NSL1: variants seen among roughly 807,000 people sequenced by gnomAD.
NSL1 encodes the protein kinetochore-associated protein NSL1 homolog.
In NSL1, 11 loss-of-function variants were observed where a neutral mutation model predicts 25.4. That is an observed-to-expected ratio of 0.43 (90% CI 0.27 to 0.72). The LOEUF (loss-of-function observed/expected upper bound fraction) is 0.72, where lower values mean the gene tolerates loss of function less well. NSL1 is among the 30% of genes least tolerant of loss of function. The pLI, the probability that NSL1 is intolerant of heterozygous loss-of-function variation, is 0.19. For synonymous variants in NSL1, 118 were observed against 120.6 expected (o/e 0.98, Z 0.14); for missense variants, 330 against 342.7 (o/e 0.96, Z 0.29).
At chr1:212,764,843 C>CAAAAAAAAAA (rs3086471) in intron 4 of NSL1, among the ~76,000 whole-genome samples, 11 of 38,872 alleles carry the variant, frequency 2.8e-4, no homozygotes, top group Non-Finnish European at 2.8e-4. Flanking sequence ...AAGACTGTCT[C>CAAAAAAAAAA]AAAAAAAAAA....
intron 4 of NSL1, chr1:212,782,093 T>C (rs1000449243): frequency 6.1e-6 from 4 of 655,610 alleles, no homozygotes; most frequent in Non-Finnish European, 8.6e-6. Flanking sequence ...GATAGGAGGG[T>C]ATTAGAAGTT....
rs1462127167 is a variant in NSL1, at chr1:212,727,766, A to C, written c.*10642T>G. ...CAAAAGTTCATATTTAACCTCATTA[A>C]GATAATAAATTGCTTTAAACAACTT... On this transcript the variant is annotated 3_prime_UTR_variant, in exon 6 of 6. Coordinates refer to ENST00000366977, the MANE Select transcript of NSL1 (RefSeq NM_015471.4). The C allele has an allele frequency of 2.0e-6, 2 of 984,212 alleles. No homozygotes were observed. Among genetic ancestry groups the C allele is most frequent in the African/African-American group, 3.5e-5 (2 of 57,228 alleles). The allele number at this position is 984,212 out of a possible 1,614,324, so 61.0% of individuals were successfully genotyped here. A position where few individuals can be genotyped will look rare whatever the true frequency, so the allele number is the denominator to read the frequency against.
rs1658294897 is a variant in NSL1 at position 212,737,826 on chromosome 1, A to G, written c.*582T>C. 1 of 985,314 alleles carries G rather than the reference A, an allele frequency of 1.0e-6. No individual in the cohort carries two copies. Among genetic ancestry groups the G allele is most frequent in the South Asian group, 4.7e-5 (1 of 21,292 alleles). 61.0% of individuals were successfully genotyped at this position (985,314 alleles called of 1,614,324 possible). A position where few individuals can be genotyped will look rare whatever the true frequency, so the allele number is the denominator to read the frequency against. On this transcript the variant is annotated 3_prime_UTR_variant, in exon 6 of 6. Coordinates refer to ENST00000366977, the MANE Select transcript of NSL1 (RefSeq NM_015471.4). ...ATAATAGTTATCATTGTCTTACACA[A>G]CAAAAAATCCTAAAGTTAATCTCAC...
intron 4 of NSL1, among the ~76,000 whole-genome samples, chr1:212,775,271 T>A (rs1660309755): frequency 6.6e-6 from 1 of 152,208 alleles, no homozygotes. Flanking sequence ...AAATAATGGC[T>A]AAGGAGTGTT....
intron 5 of NSL1, 54 bp downstream of exon 5, chr1:212,739,480 T>C (rs754215762): frequency 4.6e-5 from 70 of 1,535,798 alleles, no homozygotes; most frequent in Non-Finnish European, 6.2e-5. Context: ...TGAATGCAAA[T>C]ACCTAGCCAT....
intron 2 of NSL1, among the ~76,000 whole-genome samples, chr1:212,786,284 G>C (rs918480882): frequency 1.3e-5 from 2 of 151,894 alleles, no homozygotes; most frequent in African/African-American, 4.8e-5. Flanking sequence ...CTTCTTTTGA[G>C]GGCAAGAAAT....
intron 4 of NSL1, among the ~76,000 whole-genome samples, chr1:212,757,670 G>A (rs1371964571): frequency 6.6e-6 from 1 of 152,132 alleles, no homozygotes; most frequent in Non-Finnish European, 1.5e-5. Flanking sequence ...GGTGAATTCA[G>A]AGGGAGAGCT....
chr1:212,789,617 AG>A (rs1237646645), intron 1 of NSL1, among the ~76,000 whole-genome samples: 1 of 152,258 alleles, frequency 6.6e-6, no homozygotes, highest in Non-Finnish European at 1.5e-5. Context: ...CTGTTTTTAA[AG>A]AAAATCTGCT....
At position 212,726,229 on chromosome 1, in the gene NSL1, T is replaced by G. The variant is rs1657779595; in HGVS notation, c.*12179A>C. 3 of 152,166 alleles carry G rather than the reference T, an allele frequency of 2.0e-5. No individual in the cohort carries two copies. The highest frequency in any genetic ancestry group is 2.0e-4 in the Admixed American group (3 of 15,284). 9.4% of individuals were successfully genotyped at this position (152,166 alleles called of 1,614,324 possible). A position where few individuals can be genotyped will look rare whatever the true frequency, so the allele number is the denominator to read the frequency against. On this transcript the variant is annotated 3_prime_UTR_variant, in exon 6 of 6. Coordinates refer to ENST00000366977, the MANE Select transcript of NSL1 (RefSeq NM_015471.4). ...ATCAGTGGGGGAAAAGAGGTACTAT[T>G]CAATAAATGGTGTCAGAACAGGTGG...
intron 4 of NSL1, among the ~76,000 whole-genome samples, chr1:212,761,672 A>C (rs1370185500): frequency 2.0e-5 from 3 of 152,090 alleles, no homozygotes. Flanking sequence ...CTGAAAAATA[A>C]TTCAAACTAC....
At chr1:212,776,473 G>T (rs1167953850) in intron 4 of NSL1, among the ~76,000 whole-genome samples, 1 of 151,950 alleles carries the variant, frequency 6.6e-6, no homozygotes, top group Non-Finnish European at 1.5e-5. Context: ...AGGACTGCTT[G>T]AGCCTGGGAG....
In NSL1 at chr1:212,726,923, G is replaced by A. The variant is rs930571895; in HGVS notation, c.*11485C>T. ...CCTCTGATGGACACCAGCACAGCAC[G>A]GACTTTCCCGTCCTGTCTCTTCATG... is the stretch of plus-strand genomic sequence containing the variant. On this transcript the variant is annotated 3_prime_UTR_variant, in exon 6 of 6. Coordinates refer to ENST00000366977, the MANE Select transcript of NSL1 (RefSeq NM_015471.4). 8.9e-6 allele frequency: 4 copies of A among 451,728 alleles called. No homozygotes were observed. The highest frequency in any genetic ancestry group is 2.0e-5 in the African/African-American group (1 of 49,070). The allele number at this position is 451,728 out of a possible 1,614,324, so 28.0% of individuals were successfully genotyped here.
At chr1:212,768,690 G>A (rs1276620919) in intron 4 of NSL1, among the ~76,000 whole-genome samples, 1 of 152,162 alleles carries the variant, frequency 6.6e-6, no homozygotes, top group African/African-American at 2.4e-5. Context: ...AAAGGCATAA[G>A]AATGATATAA....
intron 4 of NSL1, among the ~76,000 whole-genome samples, chr1:212,743,409 C>T (rs6694452): frequency 0.41 from 61,408 of 151,158 alleles, 14,114 homozygotes; most frequent in Non-Finnish European, 0.51. Flanking sequence ...GTGATCCGCC[C>T]GCCTTGGCCT....
At chr1:212,770,160 T>C (rs749272229) in intron 4 of NSL1, among the ~76,000 whole-genome samples, 1 of 152,076 alleles carries the variant, frequency 6.6e-6, no homozygotes, top group African/African-American at 2.4e-5. Flanking sequence ...TCTAAATATA[T>C]ATGTACCCAA....
In NSL1 at chr1:212,750,813, C is replaced by T. The variant is rs112210534; in HGVS notation, c.500-11212G>A. On this transcript the variant is annotated intron_variant, in intron 4 of 5. Transcript: ENST00000366977. ...AAAATTAGCCGGGCATGGTGGCGGG[C>T]GCCTGTAATCCCAGCTACTAGGGAG... Among the ~76,000 whole-genome samples, 797 of 151,962 alleles carry T rather than the reference C, an allele frequency of 5.2e-3. 7 individuals are homozygous for T. Among genetic ancestry groups the T allele is most frequent in the African/African-American group, 0.018 (759 of 41,440 alleles).
Position 212,737,935 on chromosome 1 carries a change from C to A in NSL1, c.*473G>T. 1 of 985,272 alleles carries A rather than the reference C, an allele frequency of 1.0e-6. No homozygotes were observed. The highest frequency in any genetic ancestry group is 1.2e-6 in the Non-Finnish European group (1 of 830,130). 61.0% of individuals were successfully genotyped at this position (985,272 alleles called of 1,614,324 possible). A position where few individuals can be genotyped will look rare whatever the true frequency, so the allele number is the denominator to read the frequency against. ...ATTAATTTGATAAATCAAACTACAT[C>A]TTTAAAAAAAAACCCTGCATCTGCT... On this transcript the variant is annotated 3_prime_UTR_variant, in exon 6 of 6. Coordinates refer to ENST00000366977, the MANE Select transcript of NSL1 (RefSeq NM_015471.4).
intron 4 of NSL1, among the ~76,000 whole-genome samples, chr1:212,747,157 T>G (rs995572719): frequency 6.7e-6 from 1 of 150,006 alleles, no homozygotes; most frequent in African/African-American, 2.4e-5. Context: ...TGGCCCCCAG[T>G]GATCTCTGCC....
At position 212,728,483 on chromosome 1, in the gene NSL1, A is replaced by G. The variant is rs1657876146; in HGVS notation, c.*9925T>C. ...TCTTTTATCTTGAACTACCAAGAGTAGATGAATTGTGAGCTCATATAGCTG... is the reference window on the plus strand; with the variant it reads ...TCTTTTATCTTGAACTACCAAGAGTGGATGAATTGTGAGCTCATATAGCTG... On this transcript the variant is annotated 3_prime_UTR_variant, in exon 6 of 6. Transcript: ENST00000366977. The G allele has an allele frequency of 1.0e-6, 1 of 985,366 alleles. No homozygotes were observed. Among genetic ancestry groups the G allele is most frequent in the Non-Finnish European group, 1.2e-6 (1 of 829,946 alleles). 61.0% of individuals were successfully genotyped at this position (985,366 alleles called of 1,614,324 possible).
Sources: allele counts gnomAD v4.1 joint callset (sites outside exome capture counted in the v4.1 genomes callset), GRCh38; gene constraint gnomAD v4.1.1; transcripts MANE v1.5; gene names NCBI Gene and HGNC (gene_info 2026-07-23, HGNC 2026-07-21).